The following NFIB variants were observed in gnomAD, a reference collection of about 807,000 sequenced individuals.
The protein encoded by NFIB is nuclear factor I B, also known as nuclear factor 1 B-type.
A neutral mutation model predicts 61.5 loss-of-function variants in NFIB; 11 were observed. The ratio of observed to expected loss-of-function variants is 0.18; its 90% confidence interval spans 0.11 to 0.30. The LOEUF (loss-of-function observed/expected upper bound fraction) is 0.30, where lower values mean the gene tolerates loss of function less well. NFIB is among the 10% of genes least tolerant of loss of function. The pLI, the probability that NFIB is intolerant of heterozygous loss-of-function variation, is 1.00. For missense variants in NFIB, 471 were observed against 608.9 expected, an observed-to-expected ratio of 0.77 and a Z score of 2.38; for synonymous variants, 260 against 216.5, an observed-to-expected ratio of 1.20 and a Z score of -1.76.
chr9:14,215,642 T>C (rs886896268), intron 2 of NFIB, among the ~76,000 whole-genome samples: 4 of 152,202 alleles, frequency 2.6e-5, no homozygotes, highest in East Asian at 1.9e-4. Flanking sequence ...CAGATAAAGA[T>C]AAAGATGCCC....
At chr9:14,315,610 C>A (rs866958399), upstream of NFIB, among the ~76,000 whole-genome samples, 6 of 146,326 alleles carry the variant, frequency 4.1e-5, no homozygotes, top group Non-Finnish European at 7.6e-5. Flanking sequence ...AGCCGCTCGG[C>A]GCCCGCGCCG....
the NFIB span, among the ~76,000 whole-genome samples, chr9:14,439,323 T>G: frequency 6.6e-6 from 1 of 152,086 alleles, no homozygotes; most frequent in East Asian, 1.9e-4. Context: ...TGAGCAGAGC[T>G]CACACCACTG....
chr9:14,424,336 G>GT, the NFIB span, among the ~76,000 whole-genome samples: 20 of 152,230 alleles, frequency 1.3e-4, no homozygotes, highest in African/African-American at 4.8e-4. Flanking sequence ...ACTGTTTCTA[G>GT]GAGATGTGAA....
At chr9:14,314,813 G>T (rs1190144199), upstream of NFIB, among the ~76,000 whole-genome samples, 1 of 145,130 alleles carries the variant, frequency 6.9e-6, no homozygotes, top group Non-Finnish European at 1.5e-5. Context: ...TTCCAAAATA[G>T]CTCTTCTTTC....
At chr9:14,449,481 A>G in the NFIB span, among the ~76,000 whole-genome samples, 3 of 152,226 alleles carry the variant, frequency 2.0e-5, no homozygotes, top group Non-Finnish European at 2.9e-5. Context: ...TTCTAAAGAC[A>G]GTCGGAAATA....
In NFIB at chr9:14,104,382, C is replaced by T. The variant is rs2036237312; in HGVS notation, c.1467+8617G>A. Among the ~76,000 whole-genome samples the T allele has an allele frequency of 1.3e-5, 2 of 151,064 alleles. 1 individual carries two copies. The highest frequency in any genetic ancestry group is 4.9e-5 in the African/African-American group (2 of 41,142). On this transcript the variant is annotated intron_variant, in intron 10 of 10. Transcript: ENST00000380953. The stretch of plus-strand genomic sequence containing the variant: ...CTTAAAAGTTCTCAAAATGGGTCGT[C>T]TAATCAAATTTAGTGTGATGGGGCA...
intron 2 of NFIB, among the ~76,000 whole-genome samples, chr9:14,197,171 G>A (rs2048560185): frequency 6.6e-6 from 1 of 152,198 alleles, no homozygotes; most frequent in South Asian, 2.1e-4. Context: ...AGAAAGGAAT[G>A]CAGAGCTTGA....
chr9:14,378,856 T>C (rs1431729610), intron 1 of NFIB, among the ~76,000 whole-genome samples: 3 of 151,940 alleles, frequency 2.0e-5, no homozygotes, highest in African/African-American at 7.2e-5. Flanking sequence ...TAAATCAGGG[T>C]GTAGTTTGAA....
intron 2 of NFIB, among the ~76,000 whole-genome samples, chr9:14,203,919 T>G (rs943327451): frequency 1.1e-4 from 16 of 152,206 alleles, no homozygotes; most frequent in African/African-American, 3.1e-4. Context: ...GAAACTCATT[T>G]AATTTGTGGG....
chr9:14,440,402 T>C, the NFIB span, among the ~76,000 whole-genome samples: 80,350 of 151,974 alleles, frequency 0.53, 23,344 homozygotes, highest in African/African-American at 0.78. Flanking sequence ...ATTTTTTTTA[T>C]GGTTAGGTGT....
At chr9:14,208,058 C>G (rs2049928583) in intron 2 of NFIB, among the ~76,000 whole-genome samples, 1 of 152,196 alleles carries the variant, frequency 6.6e-6, no homozygotes, top group Non-Finnish European at 1.5e-5. Flanking sequence ...TGTTCAAAAT[C>G]TAAATTCAAA....
chr9:14,295,017 T>C (rs1219711879), intron 2 of NFIB, among the ~76,000 whole-genome samples: 1 of 152,232 alleles, frequency 6.6e-6, no homozygotes, highest in Non-Finnish European at 1.5e-5. Flanking sequence ...AATCACAGTT[T>C]CGTAAGAAGT....
At chr9:14,530,761 C>T in the NFIB span, among the ~76,000 whole-genome samples, 1 of 152,094 alleles carries the variant, frequency 6.6e-6, no homozygotes, top group Admixed American at 6.5e-5. Flanking sequence ...CAGGGCTGGC[C>T]ATACCCCTCC....
At chr9:14,453,758 C>T in the NFIB span, among the ~76,000 whole-genome samples, 207 of 152,258 alleles carry the variant, frequency 1.4e-3, 2 homozygotes, top group South Asian at 7.9e-3. Flanking sequence ...ACTTCTTTTG[C>T]AAACAGCAGT....
intron 1 of NFIB, among the ~76,000 whole-genome samples, chr9:14,331,903 TTTC>T (rs1344080488): frequency 1.3e-5 from 2 of 152,220 alleles, no homozygotes; most frequent in Non-Finnish European, 2.9e-5. Flanking sequence ...GATTATTACT[TTTC>T]TTTGTCCTCG....
rs2058848427 is a variant in NFIB, at chr9:14,288,298, T to A, written c.562+18691A>T. Among the ~76,000 whole-genome samples the A allele has an allele frequency of 3.9e-5, 6 of 152,044 alleles. No homozygotes were observed. The South Asian group carries it at 1.2e-3, about 31-fold the overall frequency. On this transcript the variant is annotated intron_variant, in intron 2 of 10. Coordinates refer to ENST00000380953, the MANE Select transcript of NFIB (RefSeq NM_001190737.2). Reference sequence around the variant, plus strand: ...ACTGAAATCTAAGAGCTAAACTATATTTAAGAATAATTTAGATATCAGAGT... The same window carrying A: ...ACTGAAATCTAAGAGCTAAACTATAATTAAGAATAATTTAGATATCAGAGT...
chr9:14,157,669 A>C (rs1395307809), intron 3 of NFIB, among the ~76,000 whole-genome samples: 1 of 152,184 alleles, frequency 6.6e-6, no homozygotes, highest in Non-Finnish European at 1.5e-5. Context: ...AAGGTGCTAA[A>C]AGTCATGAAT....
intron 1 of NFIB, among the ~76,000 whole-genome samples, chr9:14,391,962 C>T (rs550949240): frequency 1.1e-3 from 169 of 152,308 alleles, no homozygotes; most frequent in African/African-American, 3.9e-3. Flanking sequence ...ATTCTTTCCT[C>T]CAAGGAAACA....
At chr9:14,381,197 C>G (rs1478751450) in intron 1 of NFIB, among the ~76,000 whole-genome samples, 1 of 145,214 alleles carries the variant, frequency 6.9e-6, no homozygotes, top group Admixed American at 6.9e-5. Context: ...CTTTCTTTTT[C>G]TTTTTTCTTT....
Sources: gnomAD v4.1 joint callset for allele counts (sites outside exome capture counted in the v4.1 genomes callset) on GRCh38, gnomAD v4.1.1 for gene constraint, MANE v1.5 for transcripts, NCBI Gene and HGNC (gene_info 2026-07-23, HGNC 2026-07-21) for gene names.